Variants in ZNF71 observed in about 807,000 individuals in gnomAD.
ZNF71 encodes endothelial zinc finger protein induced by tumor necrosis factor alpha.
A neutral mutation model predicts 6.7 loss-of-function variants in ZNF71; 3 were observed. That is an observed-to-expected ratio of 0.45 (90% CI 0.20 to 1.16). The LOEUF (loss-of-function observed/expected upper bound fraction) is 1.16. Among genes scored for constraint, ZNF71 ranks in the 50% most tolerant of loss-of-function variants. The pLI is 0.25. For missense variants in ZNF71, 688 were observed against 728.6 expected, an observed-to-expected ratio of 0.94 and a Z score of 0.64; for synonymous variants, 343 against 311.1, an observed-to-expected ratio of 1.10 and a Z score of -1.08.
intron 1 of ZNF71, among the ~76,000 whole-genome samples, chr19:56,596,396 C>G (rs2044624872): frequency 6.6e-6 from 1 of 152,146 alleles, no homozygotes; most frequent in Admixed American, 6.6e-5. Context: ...GAGCCACTAC[C>G]TTCTCACCCT....
chr19:56,601,739 T>A (rs1271673821), intron 2 of ZNF71, 148 bp downstream of exon 2: 1 of 458,272 alleles, frequency 2.2e-6, no homozygotes. Flanking sequence ...TTATAGATGA[T>A]GCTGACCCTG....
chr19:56,619,903 C>T (rs1374487607), intron 3 of ZNF71, among the ~76,000 whole-genome samples: 10 of 152,132 alleles, frequency 6.6e-5, no homozygotes, highest in Admixed American at 6.5e-4. Context: ...CTAGACTCCA[C>T]CTAGGCTAGA....
Position 56,618,895 on chromosome 19 carries a change from C to A in ZNF71, c.161-2373C>A, listed in dbSNP as rs551847523. Reference sequence around the variant, plus strand: ...CTGACTCCTCAGAAGACCGCACTCCCGGAGGAGTGGAGGACGCATTGCAGG... The same window carrying A: ...CTGACTCCTCAGAAGACCGCACTCCAGGAGGAGTGGAGGACGCATTGCAGG... On this transcript the variant is annotated intron_variant, in intron 3 of 3. Transcript: ENST00000599599. The surrounding 1 kb of genome is among the most constrained non-coding windows in gnomAD (Gnocchi z 4.6). Among the ~76,000 whole-genome samples, 40 of 152,102 alleles carry A rather than the reference C, an allele frequency of 2.6e-4. 1 individual carries two copies. In the South Asian group the frequency reaches 7.5e-3, roughly 28 times the overall value.
Position 56,604,186 on chromosome 19 carries a change from G to A in ZNF71, c.33+2595G>A, listed in dbSNP as rs146952927. ...AATATAGGTGTGAGAGGGAACTTTT[G>A]GAGGTAATGGATCCGTTTATGGCCT... On this transcript the variant is annotated intron_variant, in intron 2 of 3. Transcript: ENST00000599599. Among the ~76,000 whole-genome samples the A allele has an allele frequency of 7.9e-3, 1,200 of 152,294 alleles. 20 individuals are homozygous for A. Among genetic ancestry groups the A allele is most frequent in the African/African-American group, 0.025 (1,051 of 41,552 alleles).
rs894645979 is a variant in ZNF71, at chr19:56,613,933, C to T, written c.155C>T (p.Ser52Leu). ...CTGGAGAACTACAGGAACCTGGTCT[C>T]ACTGGGTAAGGGGCAGCTTCGTTGA... ...VMLENYRNLV[S>L]LDWETRPEMK... Residue 52 changes from serine to leucine, a missense_variant, in exon 3 of 4, where the codon TCA (serine) becomes TTA (leucine). Transcript: ENST00000599599. The surrounding 1 kb of genome is among the most constrained non-coding windows in gnomAD (Gnocchi z 4.6). 1.9e-6 allele frequency: 2 copies of T among 1,072,082 alleles called. No individual in the cohort carries two copies. The highest frequency in any genetic ancestry group is 2.3e-6 in the Non-Finnish European group (2 of 867,366). The allele number at this position is 1,072,082 out of a possible 1,614,324, so 66.4% of individuals were successfully genotyped here. A position where few individuals can be genotyped will look rare whatever the true frequency, so the allele number is the denominator to read the frequency against.
intron 3 of ZNF71, among the ~76,000 whole-genome samples, chr19:56,614,674 C>G (rs1343818487): frequency 1.3e-5 from 2 of 152,210 alleles, no homozygotes; most frequent in Non-Finnish European, 2.9e-5. Context: ...GGTTAAAACA[C>G]TCACTTTTGT....
In ZNF71 at chr19:56,601,500, C is replaced by T; in HGVS notation, c.-52-7C>T. On this transcript the variant is annotated splice_polypyrimidine_tract_variant and splice_region_variant and intron_variant, in intron 1 of 3. Transcript: ENST00000599599. ...TCAGCATGCCTCCCTCTTTCTTCTC[C>T]CTACAGCACTGTTGGTCACCGCAGG... is the stretch of plus-strand genomic sequence containing the variant. 1.0e-6 allele frequency: 1 copy of T among 983,134 alleles called. No individual in the cohort carries two copies. The highest frequency in any genetic ancestry group is 1.2e-6 in the Non-Finnish European group (1 of 827,560). 60.9% of individuals were successfully genotyped at this position (983,134 alleles called of 1,614,324 possible).
intron 2 of ZNF71, among the ~76,000 whole-genome samples, chr19:56,608,696 G>C (rs761701838): frequency 6.6e-6 from 1 of 152,038 alleles, no homozygotes; most frequent in Admixed American, 6.6e-5. Context: ...GGGATCATTC[G>C]GGGCTGTCTT....
intron 3 of ZNF71, among the ~76,000 whole-genome samples, chr19:56,616,352 G>A (rs957026034): frequency 6.6e-6 from 1 of 152,112 alleles, no homozygotes; most frequent in Non-Finnish European, 1.5e-5. Context: ...TACAAGTGTG[G>A]GTCCAATTCT....
At chr19:56,608,852 A>G (rs1233909583) in intron 2 of ZNF71, among the ~76,000 whole-genome samples, 1 of 152,220 alleles carries the variant, frequency 6.6e-6, no homozygotes, top group African/African-American at 2.4e-5. Flanking sequence ...GTTGAGATAA[A>G]ATGGTTATTT....
At chr19:56,601,704 T>A (rs2044672155) in intron 2 of ZNF71, 113 bp downstream of exon 2, 1 of 673,224 alleles carries the variant, frequency 1.5e-6, no homozygotes, top group Non-Finnish European at 1.8e-6. Flanking sequence ...TGGGGCTGTG[T>A]CTGCCCTGAT....
rs555404071 is a variant in ZNF71 at position 56,598,750 on chromosome 19, G to C, written c.-52-2757G>C. Among the ~76,000 whole-genome samples, 2 of 152,250 alleles carry C rather than the reference G, an allele frequency of 1.3e-5. No individual in the cohort carries two copies. The highest frequency in any genetic ancestry group is 3.9e-4 in the East Asian group (2 of 5,178). On this transcript the variant is annotated intron_variant, in intron 1 of 3. Coordinates refer to ENST00000599599, the MANE Select transcript of ZNF71 (RefSeq NM_001370215.1). This position sits in a 1 kb window ranked among gnomAD's most constrained non-coding sequence, Gnocchi z 4.2. ...TCTAGACGTTGACAAATGTCTCCGG[G>C]GGCAGAATTGTTCCCGATTGAGTTC...
At chr19:56,620,461 C>G (rs1568509209) in intron 3 of ZNF71, among the ~76,000 whole-genome samples, 1 of 152,090 alleles carries the variant, frequency 6.6e-6, no homozygotes, top group African/African-American at 2.4e-5. Flanking sequence ...AGAGAATAAC[C>G]AACACATGCC....
At chr19:56,610,976 G>A (rs2044747759) in intron 2 of ZNF71, among the ~76,000 whole-genome samples, 1 of 152,050 alleles carries the variant, frequency 6.6e-6, no homozygotes, top group African/African-American at 2.4e-5. Context: ...TCCACCTTTT[G>A]TCTATTGTGA....
chr19:56,597,695 T>C (rs962331628), intron 1 of ZNF71, among the ~76,000 whole-genome samples: 1 of 151,506 alleles, frequency 6.6e-6, no homozygotes, highest in Non-Finnish European at 1.5e-5. Context: ...TTGATTCCTT[T>C]AGTAATGTTT....
chr19:56,604,986 C>T (rs1291269042), intron 2 of ZNF71, among the ~76,000 whole-genome samples: 2 of 152,232 alleles, frequency 1.3e-5, no homozygotes, highest in Admixed American at 6.5e-5. Context: ...TTGGAGCTTT[C>T]TTGCCCCATC....
At chr19:56,605,437 A>C (rs919383077) in intron 2 of ZNF71, among the ~76,000 whole-genome samples, 2 of 152,248 alleles carry the variant, frequency 1.3e-5, no homozygotes, top group Non-Finnish European at 2.9e-5. Context: ...AGAAGCTAGC[A>C]GACTACTCTA....
In ZNF71 at chr19:56,613,461, G is replaced by A. The variant is rs1053561563; in HGVS notation, c.34-351G>A. Among the ~76,000 whole-genome samples the A allele has an allele frequency of 6.6e-6, 1 of 152,232 alleles. No homozygotes were observed. The highest frequency in any genetic ancestry group is 1.5e-5 in the Non-Finnish European group (1 of 68,042). ...TAGTAGGGGCTCAGAAAAGTTAGCT[G>A]TGCCCCTGGATTCCATCTGGGGCTC... On this transcript the variant is annotated intron_variant, in intron 2 of 3. Transcript: ENST00000599599. The surrounding 1 kb of genome is among the most constrained non-coding windows in gnomAD (Gnocchi z 4.6).
rs779577582 is a variant in ZNF71, at chr19:56,622,670, G to C, written c.1563G>C (p.Thr521=). The C allele has an allele frequency of 1.2e-6, 2 of 1,612,618 alleles. No homozygotes were observed. Among genetic ancestry groups the C allele is most frequent in the South Asian group, 2.2e-5 (2 of 90,990 alleles). ...SSLTVHQRIH[T]GEKPYRCGEC... is the part of the protein sequence containing the mutation. ...TCACTGTGCACCAGCGGATCCACAC[G>C]GGCGAGAAGCCCTACCGATGCGGCG... Residue 521 remains threonine (T), a synonymous_variant, in exon 4 of 4, where the codon ACG becomes ACC. Coordinates refer to ENST00000599599, the MANE Select transcript of ZNF71 (RefSeq NM_001370215.1).
Sources: allele counts gnomAD v4.1 joint callset (sites outside exome capture counted in the v4.1 genomes callset), GRCh38; gene constraint gnomAD v4.1.1; non-coding constraint Gnocchi (gnomAD v3.1); transcripts MANE v1.5; gene names NCBI Gene and HGNC (gene_info 2026-07-23, HGNC 2026-07-21).